Variants in POLH observed in about 807,000 individuals in gnomAD.
POLH encodes the protein DNA polymerase eta transcript.
POLH carries 53 observed loss-of-function variants against 73.6 expected under a neutral mutation model. That is an observed-to-expected ratio of 0.72 (90% CI 0.58 to 0.91). The LOEUF is 0.91. POLH is among the 40% of genes least tolerant of loss of function. The pLI, the probability that POLH is intolerant of heterozygous loss-of-function variation, is 0.00. For missense variants in POLH, 768 were observed against 865.4 expected (o/e 0.89, Z 1.41); for synonymous variants, 292 against 308.5 (o/e 0.95, Z 0.56).
Position 43,610,592 on chromosome 6 carries a change from T to G in POLH, c.1113T>G (p.Arg371=). The G allele has an allele frequency of 1.2e-6, 2 of 1,614,114 alleles. No homozygotes were observed. Among genetic ancestry groups the G allele is most frequent in the Non-Finnish European group, 1.7e-6 (2 of 1,180,008 alleles). ...RVATQLVVSI[R]VQGDKRLSSL... The stretch of plus-strand genomic sequence containing the variant: ...CCACCCAGCTGGTTGTGAGCATTCG[T>G]GTACAAGGAGACAAACGCCTCAGCA... Residue 371 remains arginine (R), a synonymous_variant, in exon 10 of 11, where the codon CGT becomes CGG. Transcript: ENST00000372236.
At chr6:43,580,758 C>T (rs1398337988) in intron 1 of POLH, among the ~76,000 whole-genome samples, 5 of 130,822 alleles carry the variant, frequency 3.8e-5, no homozygotes, top group Admixed American at 3.6e-4. Flanking sequence ...GCTGGCCGGG[C>T]GGGGGGCCGA....
chr6:43,614,828 G>C lies in POLH; in HGVS notation c.*271G>C. On this transcript the variant is annotated 3_prime_UTR_variant, in exon 11 of 11. Coordinates refer to ENST00000372236, the MANE Select transcript of POLH (RefSeq NM_006502.3). ...AGTGTCATAAAGTAAAAAGTGTGTG[G>C]GCCTTGGAGTCTAAGAGACGTGGTT... The C allele has an allele frequency of 2.3e-6, 1 of 427,312 alleles. No homozygotes were observed. Among genetic ancestry groups the C allele is most frequent in the Non-Finnish European group, 4.2e-6 (1 of 240,068 alleles). 26.5% of individuals were successfully genotyped at this position (427,312 alleles called of 1,614,324 possible).
At position 43,616,910 on chromosome 6, in the gene POLH, C is replaced by T. The variant is rs1036365172; in HGVS notation, c.*2353C>T. Reference sequence around the variant, plus strand: ...TCTGATAAGTCATAATCAAATCTTGCCAGGCGTGGTGGTTTATGCCTGTTA... The same window carrying T: ...TCTGATAAGTCATAATCAAATCTTGTCAGGCGTGGTGGTTTATGCCTGTTA... On this transcript the variant is annotated 3_prime_UTR_variant, in exon 11 of 11. Coordinates refer to ENST00000372236, the MANE Select transcript of POLH (RefSeq NM_006502.3). Among the ~76,000 whole-genome samples the T allele has an allele frequency of 6.6e-6, 1 of 152,202 alleles. No individual in the cohort carries two copies. Among genetic ancestry groups the T allele is most frequent in the South Asian group, 2.1e-4 (1 of 4,836 alleles).
chr6:43,594,286 A>G (rs915223734), intron 4 of POLH, among the ~76,000 whole-genome samples: 1 of 152,198 alleles, frequency 6.6e-6, no homozygotes, highest in Non-Finnish European at 1.5e-5. Context: ...AATATATACT[A>G]GTATAAATTG....
intron 5 of POLH, among the ~76,000 whole-genome samples, chr6:43,599,947 T>C (rs984150557): frequency 2.6e-5 from 4 of 151,888 alleles, no homozygotes; most frequent in African/African-American, 9.6e-5. Flanking sequence ...TCACCTGAGG[T>C]TGGGAGTTCA....
chr6:43,577,874 G>A (rs938008476), intron 1 of POLH, among the ~76,000 whole-genome samples: 4 of 147,580 alleles, frequency 2.7e-5, no homozygotes, highest in African/African-American at 1.0e-4. Context: ...CACGAGGTCA[G>A]GAGATCGAGA....
chr6:43,587,404 G>T lies in POLH; in HGVS notation c.405G>T (p.Gln135His), dbSNP rs1561900203. The change falls in exon 4 of 11, where the codon CAG (glutamine) becomes CAT (histidine). Residue 135 changes from glutamine (Q) to histidine (H), a missense_variant. Transcript: ENST00000372236. ...VQERLQKLQGQPISADLLPST... is the reference protein window; with the variant it reads ...VQERLQKLQGHPISADLLPST... ...AGAGACTACAAAAGCTACAAGGTCA[G>T]CCTATCTCGGCAGACTTGTTGCCAA... is the stretch of plus-strand genomic sequence containing the variant. 6.2e-7 allele frequency: 1 copy of T among 1,614,104 alleles called. No individual in the cohort carries two copies. The highest frequency in any genetic ancestry group is 1.7e-5 in the Admixed American group (1 of 60,002).
chr6:43,588,423 TTTTC>T (rs1765086546), intron 4 of POLH: 1 of 151,876 alleles, frequency 6.6e-6, no homozygotes, highest in Admixed American at 6.6e-5. Context: ...TTTCTTTCTT[TTTTC>T]TTTCTTTCCT....
At chr6:43,577,846 A>AG (rs1437317075) in intron 1 of POLH, among the ~76,000 whole-genome samples, 6 of 152,144 alleles carry the variant, frequency 3.9e-5, no homozygotes, top group Non-Finnish European at 7.3e-5. Flanking sequence ...GCACTTTGGG[A>AG]GGCCGAGGCG....
chr6:43,582,521 T>C (rs1266727090), intron 2 of POLH, 65 bp downstream of exon 2: 1 of 1,535,512 alleles, frequency 6.5e-7, no homozygotes, highest in East Asian at 2.2e-5. Flanking sequence ...GCAGGTCCTT[T>C]GTTGTTGTGG....
chr6:43,613,314 C>T (rs1205834233), intron 10 of POLH, among the ~76,000 whole-genome samples: 1 of 152,132 alleles, frequency 6.6e-6, no homozygotes, highest in Non-Finnish European at 1.5e-5. Flanking sequence ...CTTGCCCCAA[C>T]CCTGAATTAC....
At chr6:43,585,673 T>C in intron 3 of POLH, among the ~76,000 whole-genome samples, 1 of 148,564 alleles carries the variant, frequency 6.7e-6, no homozygotes. Context: ...GGGACGGAGT[T>C]TCACTCTTGT....
chr6:43,617,532 C>A lies in POLH; in HGVS notation c.*2975C>A, dbSNP rs112207298. 0.033 allele frequency among the ~76,000 whole-genome samples: 4,990 copies of A among 151,970 alleles called. 263 individuals are homozygous for A. The highest frequency in any genetic ancestry group is 0.11 in the African/African-American group (4,615 of 41,402). On this transcript the variant is annotated 3_prime_UTR_variant, in exon 11 of 11. Coordinates refer to ENST00000372236, the MANE Select transcript of POLH (RefSeq NM_006502.3). ...ATCCCAGCTACTTAGGAGGCTGAGG[C>A]AGGAGAATCACTTGAATCTGGGAGG...
chr6:43,597,184 C>T (rs1021944483), intron 4 of POLH, among the ~76,000 whole-genome samples: 22 of 152,056 alleles, frequency 1.4e-4, no homozygotes, highest in Middle Eastern at 3.2e-3. Context: ...GGCGCAATCT[C>T]GGCTCACTGC....
In POLH at chr6:43,604,487, T is replaced by C; in HGVS notation, c.885-128T>C. On this transcript the variant is annotated intron_variant, in intron 7 of 10. Coordinates refer to ENST00000372236, the MANE Select transcript of POLH (RefSeq NM_006502.3). ...GGGTTTCGTCAGAGGTCCGGTACAC[T>C]AAATTTTGGACAAGGTTTTCCTTTT... The C allele has an allele frequency of 8.8e-6, 9 of 1,024,328 alleles. No homozygotes were observed. The South Asian group carries it at 1.2e-4, about 14-fold the overall frequency. 63.5% of individuals were successfully genotyped at this position (1,024,328 alleles called of 1,614,324 possible).
chr6:43,603,877 C>T lies in POLH; in HGVS notation c.765-15C>T. 6.2e-7 allele frequency: 1 copy of T among 1,612,872 alleles called. No homozygotes were observed. Among genetic ancestry groups the T allele is most frequent in the Non-Finnish European group, 8.5e-7 (1 of 1,179,114 alleles). On this transcript the variant is annotated splice_polypyrimidine_tract_variant and intron_variant, in intron 6 of 10. Transcript: ENST00000372236. ...ATGATGTGACCTATCAATTCTTTGT[C>T]TCCTTTGTTATCAGCCGTAGTCTTG...
intron 2 of POLH, 111 bp downstream of exon 2, chr6:43,582,567 G>T: frequency 2.7e-6 from 3 of 1,099,526 alleles, no homozygotes; most frequent in Non-Finnish European, 4.2e-6. Flanking sequence ...TTTCTCTGTT[G>T]TCCCATCCAG....
intron 4 of POLH, among the ~76,000 whole-genome samples, chr6:43,593,538 G>A (rs1016939857): frequency 1.3e-5 from 2 of 152,208 alleles, no homozygotes; most frequent in East Asian, 3.8e-4. Context: ...TCAGGCTGGG[G>A]TGTGTGTGGT....
At chr6:43,593,878 C>CAAAAAAAAAAAAAAA (rs768129925) in intron 4 of POLH, among the ~76,000 whole-genome samples, 6 of 85,154 alleles carry the variant, frequency 7.0e-5, no homozygotes, top group African/African-American at 1.2e-4. Context: ...GACTCCGTCT[C>CAAAAAAAAAAAAAAA]AAAAAAAAAA....
Sources: gnomAD v4.1 joint callset for allele counts (sites outside exome capture counted in the v4.1 genomes callset) on GRCh38, gnomAD v4.1.1 for gene constraint, MANE v1.5 for transcripts, NCBI Gene and HGNC (gene_info 2026-07-23, HGNC 2026-07-21) for gene names.